TMEM132B: variants seen among roughly 807,000 people sequenced by gnomAD.
TMEM132B encodes the protein transmembrane protein 132B.
In TMEM132B, 18 loss-of-function variants were observed where a neutral mutation model predicts 90.8. The observed-to-expected ratio is 0.20, with a 90% CI of 0.14 to 0.29. The LOEUF (loss-of-function observed/expected upper bound fraction) is 0.29, where lower values mean the gene tolerates loss of function less well. TMEM132B is among the 10% of genes least tolerant of loss of function. The probability of loss-of-function intolerance (pLI) is 1.00; values close to 1 mark genes in which losing one functional copy is unlikely to be tolerated. For synonymous variants in TMEM132B, 504 were observed against 523.3 expected (o/e 0.96, Z 0.50); for missense variants, 1,096 against 1,326.8 (o/e 0.83, Z 2.70).
At chr12:125,565,367 C>A (rs146980197) in intron 4 of TMEM132B, among the ~76,000 whole-genome samples, 1 of 152,212 alleles carries the variant, frequency 6.6e-6, no homozygotes, top group African/African-American at 2.4e-5. Context: ...CTCTGGGCTC[C>A]GGCCCCACAG....
At chr12:125,347,428 C>T (rs1041270048) in intron 1 of TMEM132B, among the ~76,000 whole-genome samples, 65 of 152,156 alleles carry the variant, frequency 4.3e-4, no homozygotes, top group African/African-American at 1.2e-3. Context: ...TCAGCCCGTA[C>T]GTGGGCTGTA....
intron 3 of TMEM132B, among the ~76,000 whole-genome samples, chr12:125,435,856 AG>A: frequency 6.6e-6 from 1 of 151,868 alleles, no homozygotes. Flanking sequence ...AGCTAAATGG[AG>A]GGGACCTCTC....
chr12:125,379,826 A>G (rs954611150), intron 2 of TMEM132B, among the ~76,000 whole-genome samples: 2 of 152,204 alleles, frequency 1.3e-5, no homozygotes, highest in Non-Finnish European at 2.9e-5. Flanking sequence ...TCCATCATGA[A>G]TGAAGCAAGG....
chr12:125,447,993 C>T (rs1008962005), intron 3 of TMEM132B, among the ~76,000 whole-genome samples: 4 of 152,122 alleles, frequency 2.6e-5, no homozygotes, highest in East Asian at 1.9e-4. Flanking sequence ...TGGCCACTTG[C>T]GGTGGCTCAC....
At chr12:125,652,139 A>G (rs901461840) in intron 7 of TMEM132B, among the ~76,000 whole-genome samples, 1 of 152,238 alleles carries the variant, frequency 6.6e-6, no homozygotes, top group African/African-American at 2.4e-5. Context: ...CTCTTTGAGT[A>G]CCTAATATCA....
chr12:125,345,579 G>A (rs769144051), intron 1 of TMEM132B, among the ~76,000 whole-genome samples: 6 of 152,146 alleles, frequency 3.9e-5, no homozygotes, highest in Non-Finnish European at 7.3e-5. Flanking sequence ...TCTTCCTGCC[G>A]AGGCTGTCTT....
chr12:125,638,777 A>G lies in TMEM132B; in HGVS notation c.1438-5299A>G, dbSNP rs142797197. 2.9e-3 allele frequency among the ~76,000 whole-genome samples: 436 copies of G among 152,318 alleles called. 5 individuals carry two copies. The highest frequency in any genetic ancestry group is 0.01 in the African/African-American group (423 of 41,572). ...TTCTTGCTTCTTTTTAAAATAGAAC[A>G]TGAAGTAAATGATGTGTCTTACAAG... On this transcript the variant is annotated intron_variant, in intron 5 of 8. Transcript: ENST00000682704.
At position 125,653,992 on chromosome 12, in the gene TMEM132B, A is replaced by T. The variant is rs1401093560; in HGVS notation, c.2534A>T (p.Gln845Leu). 1.2e-6 allele frequency: 2 copies of T among 1,614,088 alleles called. No homozygotes were observed. Among genetic ancestry groups the T allele is most frequent in the East Asian group, 4.5e-5 (2 of 44,890 alleles). ...TTCCACCGTGGCACACCTGTTGGCC[A>T]AGAGGAAAGTACCAACAAAAGCACA... is the stretch of plus-strand genomic sequence containing the variant. ...EWFHRGTPVGQEESTNKSTTP... is the reference protein window; with the variant it reads ...EWFHRGTPVGLEESTNKSTTP... Residue 845 changes from glutamine to leucine, a missense_variant, in exon 9 of 9, where the codon CAA becomes CTA. Transcript: ENST00000682704.
intron 5 of TMEM132B, among the ~76,000 whole-genome samples, chr12:125,591,035 GTT>G (rs111313906): frequency 2.2e-4 from 32 of 148,216 alleles, no homozygotes; most frequent in African/African-American, 8.5e-4. Flanking sequence ...GTGTGTGTGT[GTT>G]TGTGTGTGTG....
At chr12:125,594,620 C>A (rs940598841) in intron 5 of TMEM132B, among the ~76,000 whole-genome samples, 17 of 152,132 alleles carry the variant, frequency 1.1e-4, no homozygotes, top group African/African-American at 3.6e-4. Flanking sequence ...ATTTGCATAT[C>A]CCTAGCGATT....
At chr12:125,247,940 A>T (rs1471742613) in intron 1 of TMEM132B, among the ~76,000 whole-genome samples, 1 of 152,196 alleles carries the variant, frequency 6.6e-6, no homozygotes, top group Admixed American at 6.5e-5. Flanking sequence ...TGTGATTTGC[A>T]GCTAAAAGAT....
Position 125,350,138 on chromosome 12 carries a change from G to A in TMEM132B, c.754G>A (p.Glu252Lys). 6.2e-7 allele frequency: 1 copy of A among 1,614,240 alleles called. No individual in the cohort carries two copies. Among genetic ancestry groups the A allele is most frequent in the Non-Finnish European group, 8.5e-7 (1 of 1,180,040 alleles). ...GGAGAACAATATCCACTCGGGCCTG[G>A]AGAGCCCCCAGCAAGCGTTTCCAGC... is the stretch of plus-strand genomic sequence containing the variant. ...KWENNIHSGL[E>K]SPQQAFPARE... is the part of the protein sequence containing the mutation. Residue 252 changes from glutamate (E) to lysine (K), a missense_variant, in exon 2 of 9, where the codon GAG becomes AAG. Coordinates refer to ENST00000682704, the MANE Select transcript of TMEM132B (RefSeq NM_001366854.1).
At chr12:125,395,287 C>T (rs2136310099) in intron 2 of TMEM132B, among the ~76,000 whole-genome samples, 1 of 152,266 alleles carries the variant, frequency 6.6e-6, no homozygotes, top group African/African-American at 2.4e-5. Context: ...GATTATTAGT[C>T]ACCTGAAAGT....
chr12:125,608,162 G>A lies in TMEM132B; in HGVS notation c.1437+24168G>A, dbSNP rs868362657. On this transcript the variant is annotated intron_variant, in intron 5 of 8. Coordinates refer to ENST00000682704, the MANE Select transcript of TMEM132B (RefSeq NM_001366854.1). ...CCAATATTTTACATTTTGAAAAACT[G>A]TTGAACTCTTTTCCACAGTGGTTGC... 7.4e-4 allele frequency among the ~76,000 whole-genome samples: 112 copies of A among 152,274 alleles called. 1 individual carries two copies. Among genetic ancestry groups the A allele is most frequent in the African/African-American group, 2.6e-3 (108 of 41,568 alleles).
chr12:125,274,524 A>G lies in TMEM132B; in HGVS notation c.68-74928A>G, dbSNP rs191671951. Among the ~76,000 whole-genome samples, 31 of 152,324 alleles carry G rather than the reference A, an allele frequency of 2.0e-4. No individual in the cohort carries two copies. The East Asian group carries it at 5.8e-3, about 28-fold the overall frequency. ...CACAGAGGTGTTCCGATCATGGTGCATTGTTGTTAATGCTCATTGTCAATG... is the reference window on the plus strand; with the variant it reads ...CACAGAGGTGTTCCGATCATGGTGCGTTGTTGTTAATGCTCATTGTCAATG... On this transcript the variant is annotated intron_variant, in intron 1 of 8. Coordinates refer to ENST00000682704, the MANE Select transcript of TMEM132B (RefSeq NM_001366854.1).
chr12:125,332,189 C>CATGTTACTTAG, intron 1 of TMEM132B, among the ~76,000 whole-genome samples: 1 of 152,210 alleles, frequency 6.6e-6, no homozygotes, highest in East Asian at 1.9e-4. Flanking sequence ...TGTATCAGAA[C>CATGTTACTTAG]ATGTTACTTA....
chr12:125,233,250 G>A (rs1873864489), intron 1 of TMEM132B, among the ~76,000 whole-genome samples: 2 of 152,166 alleles, frequency 1.3e-5, no homozygotes, highest in African/African-American at 4.8e-5. Flanking sequence ...GATTATACAG[G>A]ATAGAAGTTA....
chr12:125,289,553 C>A (rs1484664239), intron 1 of TMEM132B, among the ~76,000 whole-genome samples: 1 of 152,216 alleles, frequency 6.6e-6, no homozygotes, highest in Non-Finnish European at 1.5e-5. Context: ...GAGGTCCACA[C>A]TATTTGACAA....
At chr12:125,450,845 G>A (rs1177281274) in intron 3 of TMEM132B, among the ~76,000 whole-genome samples, 1 of 152,164 alleles carries the variant, frequency 6.6e-6, no homozygotes, top group Non-Finnish European at 1.5e-5. Context: ...TTGCCCCCAG[G>A]TTTGATTCTC....
Sources: allele counts gnomAD v4.1 joint callset (sites outside exome capture counted in the v4.1 genomes callset), GRCh38; gene constraint gnomAD v4.1.1; transcripts MANE v1.5; gene names NCBI Gene and HGNC (gene_info 2026-07-23, HGNC 2026-07-21).